TAB2: variants seen among roughly 807,000 people sequenced by gnomAD.
TAB2 encodes the protein TGF-beta activated kinase 1 (MAP3K7) binding protein 2.
TAB2 carries 3 observed loss-of-function variants against 65.0 expected under a neutral mutation model. That is an observed-to-expected ratio of 0.05 (90% CI 0.02 to 0.12). TAB2 has a LOEUF of 0.12. TAB2 is among the 10% of genes least tolerant of loss of function. The pLI is 1.00. For missense variants in TAB2, 623 were observed against 840.3 expected (o/e 0.74, Z 3.20); for synonymous variants, 298 against 285.1 (o/e 1.05, Z -0.46).
intron 1 of TAB2, among the ~76,000 whole-genome samples, chr6:149,348,107 T>C (rs1304296840): frequency 1.3e-5 from 2 of 152,158 alleles, no homozygotes; most frequent in Non-Finnish European, 2.9e-5. Context: ...GTAATAAGAA[T>C]GTGGGCCAGG....
chr6:149,240,833 T>A (rs1777583333), intron 1 of TAB2, among the ~76,000 whole-genome samples: 1 of 152,186 alleles, frequency 6.6e-6, no homozygotes, highest in African/African-American at 2.4e-5. Flanking sequence ...GCTACAAATT[T>A]AATTATGACA....
chr6:149,268,992 G>A (rs1364057457), intron 1 of TAB2, among the ~76,000 whole-genome samples: 1 of 152,148 alleles, frequency 6.6e-6, no homozygotes, highest in Admixed American at 6.5e-5. Context: ...AAGTACAAGG[G>A]GCTCCTGCTG....
At chr6:149,220,402 A>G (rs750599713) in intron 1 of TAB2, among the ~76,000 whole-genome samples, 8 of 152,228 alleles carry the variant, frequency 5.3e-5, no homozygotes, top group Non-Finnish European at 7.3e-5. Flanking sequence ...CCATTGGACT[A>G]TATTTCACTA....
intron 1 of TAB2, among the ~76,000 whole-genome samples, chr6:149,311,296 CG>C (rs1779162312): frequency 6.6e-6 from 1 of 152,170 alleles, no homozygotes; most frequent in Admixed American, 6.5e-5. Flanking sequence ...AATGCCCTCC[CG>C]TTTTTCTGTC....
At chr6:149,283,238 A>G (rs956366599) in intron 1 of TAB2, among the ~76,000 whole-genome samples, 5 of 152,234 alleles carry the variant, frequency 3.3e-5, no homozygotes, top group Non-Finnish European at 5.9e-5. Flanking sequence ...ATTTCAGGTT[A>G]TGATCCATGC....
intron 1 of TAB2, among the ~76,000 whole-genome samples, chr6:149,320,107 C>T (rs1208021157): frequency 2.6e-5 from 4 of 152,066 alleles, no homozygotes; most frequent in South Asian, 4.2e-4. Flanking sequence ...GAGACAGTCT[C>T]GCTCTGTCAC....
intron 1 of TAB2, among the ~76,000 whole-genome samples, chr6:149,237,776 G>A (rs1462936719): frequency 6.6e-6 from 1 of 152,162 alleles, no homozygotes; most frequent in African/African-American, 2.4e-5. Flanking sequence ...CATCTGCCGA[G>A]CATAGTGGGC....
At chr6:149,242,119 G>T (rs761179254) in intron 1 of TAB2, among the ~76,000 whole-genome samples, 1 of 152,114 alleles carries the variant, frequency 6.6e-6, no homozygotes, top group Non-Finnish European at 1.5e-5. Context: ...CCTCCTTCCT[G>T]CCTATCCCAC....
At chr6:149,333,082 C>A (rs1488036819) in intron 1 of TAB2, among the ~76,000 whole-genome samples, 1 of 152,178 alleles carries the variant, frequency 6.6e-6, no homozygotes, top group Non-Finnish European at 1.5e-5. Context: ...AGCATGAGTA[C>A]AATACCTTGG....
At chr6:149,336,485 A>G (rs1296340632) in intron 1 of TAB2, among the ~76,000 whole-genome samples, 2 of 152,138 alleles carry the variant, frequency 1.3e-5, no homozygotes, top group Non-Finnish European at 2.9e-5. Context: ...TTCTATGTGT[A>G]AGCACATAGC....
intron 3 of TAB2, among the ~76,000 whole-genome samples, chr6:149,393,130 TAGAG>T (rs1177068161): frequency 1.3e-5 from 2 of 152,010 alleles, no homozygotes; most frequent in Admixed American, 6.5e-5. Context: ...TGCTAAGAAA[TAGAG>T]AACCACTTTC....
At chr6:149,354,467 A>G (rs918976958) in intron 1 of TAB2, among the ~76,000 whole-genome samples, 1 of 152,212 alleles carries the variant, frequency 6.6e-6, no homozygotes, top group Admixed American at 6.5e-5. Context: ...ATGAAATATA[A>G]AACACATTAT....
intron 2 of TAB2, among the ~76,000 whole-genome samples, chr6:149,370,332 C>A (rs1000523713): frequency 6.6e-6 from 1 of 152,144 alleles, no homozygotes; most frequent in Non-Finnish European, 1.5e-5. Flanking sequence ...TAAATGAGAT[C>A]TGAATGTAAA....
rs1781479118 is a variant in TAB2 at position 149,378,371 on chromosome 6, A to G, written c.456A>G (p.Ala152=). Residue 152 remains alanine, a synonymous_variant, in exon 3 of 7, where the codon GCA becomes GCG. Transcript: ENST00000637181. ...MSSSSGASNS[A]PHLGFHLGSK... is the part of the protein sequence containing the mutation. Reference sequence around the variant, plus strand: ...GTTCCTCTGGTGCTTCAAATTCAGCACCACATCTTGGATTTCACTTAGGCA... The same window carrying G: ...GTTCCTCTGGTGCTTCAAATTCAGCGCCACATCTTGGATTTCACTTAGGCA... 2 of 1,614,230 alleles carry G rather than the reference A, an allele frequency of 1.2e-6. No individual in the cohort carries two copies. The highest frequency in any genetic ancestry group is 1.7e-6 in the Non-Finnish European group (2 of 1,180,036).
chr6:149,321,407 G>A (rs1368876323), intron 1 of TAB2: 4 of 152,160 alleles, frequency 2.6e-5, no homozygotes, highest in South Asian at 2.1e-4. Context: ...ACTCTTAGGA[G>A]TTATACTTTT....
intron 1 of TAB2, among the ~76,000 whole-genome samples, chr6:149,279,596 A>G (rs969670059): frequency 3.9e-5 from 6 of 152,208 alleles, no homozygotes; most frequent in Non-Finnish European, 7.3e-5. Flanking sequence ...GCTGCCAAAC[A>G]TACTACAACG....
At chr6:149,338,835 G>A (rs1296297309) in intron 1 of TAB2, among the ~76,000 whole-genome samples, 1 of 152,202 alleles carries the variant, frequency 6.6e-6, no homozygotes, top group East Asian at 1.9e-4. Flanking sequence ...AAGGGGTAGA[G>A]TGAGATAATT....
At chr6:149,383,707 C>G (rs1055362570) in intron 3 of TAB2, among the ~76,000 whole-genome samples, 1 of 152,166 alleles carries the variant, frequency 6.6e-6, no homozygotes, top group African/African-American at 2.4e-5. Flanking sequence ...CTCAGCCTCC[C>G]GGGTAGCTGT....
rs185852506 is a variant in TAB2 at position 149,348,088 on chromosome 6, T to C, written c.-89-21821T>C. 3.4e-3 allele frequency among the ~76,000 whole-genome samples: 517 copies of C among 152,122 alleles called. 4 individuals are homozygous for C. Among genetic ancestry groups the C allele is most frequent in the Non-Finnish European group, 3.5e-3 (238 of 67,988 alleles). On this transcript the variant is annotated intron_variant, in intron 1 of 6. Coordinates refer to ENST00000637181, the MANE Select transcript of TAB2 (RefSeq NM_001292034.3). ...CCAGCCAATTCACAGAAGAGAGAAATTGTAATTAGTAATAAGAATGTGGGC... is the reference window on the plus strand; with the variant it reads ...CCAGCCAATTCACAGAAGAGAGAAACTGTAATTAGTAATAAGAATGTGGGC...
Sources: gnomAD v4.1 joint callset for allele counts (sites outside exome capture counted in the v4.1 genomes callset) on GRCh38, gnomAD v4.1.1 for gene constraint, MANE v1.5 for transcripts, NCBI Gene and HGNC (gene_info 2026-07-23, HGNC 2026-07-21) for gene names.